The following GALNT13 variants were observed in gnomAD, a reference collection of about 807,000 sequenced individuals.
GALNT13 encodes the protein polypeptide N-acetylgalactosaminyltransferase 13, also known as UDP-GalNAc:polypeptide N-acetylgalactosaminyltransferase 13.
Under a neutral mutation model 64.2 loss-of-function variants are expected in GALNT13, and 28 were observed. The observed-to-expected ratio is 0.44, with a 90% CI of 0.32 to 0.60. GALNT13 has a LOEUF of 0.60. GALNT13 is among the 20% of genes least tolerant of loss of function. GALNT13 has a pLI of 0.05. For missense variants in GALNT13, 577 were observed against 669.8 expected (o/e 0.86, Z 1.53); for synonymous variants, 214 against 224.6 (o/e 0.95, Z 0.42).
intron 3 of GALNT13, among the ~76,000 whole-genome samples, chr2:154,067,368 C>G (rs1490436740): frequency 6.6e-6 from 1 of 151,820 alleles, no homozygotes; most frequent in Non-Finnish European, 1.5e-5. Context: ...AAAAAATGAC[C>G]CAACAATCTG....
At chr2:153,560,314 G>T in the GALNT13 span, among the ~76,000 whole-genome samples, 23 of 151,962 alleles carry the variant, frequency 1.5e-4, no homozygotes, top group Admixed American at 2.6e-4. Flanking sequence ...TTTTATATTT[G>T]AATGTAAAAT....
chr2:153,150,394 T>C, the GALNT13 span, among the ~76,000 whole-genome samples: 1 of 152,142 alleles, frequency 6.6e-6, no homozygotes, highest in African/African-American at 2.4e-5. Context: ...GTTGAGTAGA[T>C]TGCAACAATT....
chr2:153,793,751 C>T, the GALNT13 span, among the ~76,000 whole-genome samples: 154 of 151,942 alleles, frequency 1.0e-3, no homozygotes, highest in Non-Finnish European at 2.1e-3. Flanking sequence ...GTAATCCACC[C>T]TGGAAGGGTA....
intron 3 of GALNT13, among the ~76,000 whole-genome samples, chr2:154,093,469 C>T (rs987194532): frequency 4.6e-5 from 7 of 151,920 alleles, no homozygotes; most frequent in South Asian, 2.1e-4. Flanking sequence ...AAAAATGAAT[C>T]GAGCATAGTT....
intron 4 of GALNT13, among the ~76,000 whole-genome samples, chr2:154,180,468 C>T (rs1685895268): frequency 6.6e-6 from 1 of 151,532 alleles, no homozygotes; most frequent in Admixed American, 6.6e-5. Flanking sequence ...TTTACATTTA[C>T]AATTTCTTGC....
chr2:153,087,678 TC>T, the GALNT13 span, among the ~76,000 whole-genome samples: 1 of 152,134 alleles, frequency 6.6e-6, no homozygotes, highest in Non-Finnish European at 1.5e-5. Context: ...GTGTTTTTAT[TC>T]CTTCCTGATT....
intron 1 of GALNT13, among the ~76,000 whole-genome samples, chr2:153,884,779 ATATATATGTGTGTG>A (rs1687023698): frequency 8.6e-6 from 1 of 116,706 alleles, no homozygotes; most frequent in Non-Finnish European, 1.8e-5. Context: ...ATATATATAT[ATATATATGTGTGTG>A]TATATATATA....
the GALNT13 span, among the ~76,000 whole-genome samples, chr2:153,345,704 T>TTTCTTTCC: frequency 8.1e-6 from 1 of 123,910 alleles, no homozygotes; most frequent in African/African-American, 3.1e-5. Context: ...TCTTTCTTTC[T>TTTCTTTCC]CTTTCTCTCT....
At chr2:153,771,597 A>T in the GALNT13 span, among the ~76,000 whole-genome samples, 1 of 152,130 alleles carries the variant, frequency 6.6e-6, no homozygotes, top group Non-Finnish European at 1.5e-5. Context: ...ATTGCCTGGA[A>T]ATGTGTCCCT....
the GALNT13 span, among the ~76,000 whole-genome samples, chr2:153,742,302 A>T: frequency 1.3e-5 from 2 of 152,184 alleles, no homozygotes; most frequent in African/African-American, 4.8e-5. Flanking sequence ...TGCAAATAAC[A>T]ATAAATTCGT....
chr2:153,117,238 G>A, the GALNT13 span, among the ~76,000 whole-genome samples: 8 of 152,218 alleles, frequency 5.3e-5, no homozygotes, highest in Non-Finnish European at 1.0e-4. Flanking sequence ...GTAAAATGTT[G>A]GGATACGTAC....
chr2:153,797,260 C>T, the GALNT13 span, among the ~76,000 whole-genome samples: 11 of 152,172 alleles, frequency 7.2e-5, no homozygotes, highest in East Asian at 3.9e-4. Flanking sequence ...TCTGAAAGAA[C>T]GAATGTCCAG....
the GALNT13 span, among the ~76,000 whole-genome samples, chr2:153,347,018 T>C: frequency 6.6e-6 from 1 of 152,242 alleles, no homozygotes; most frequent in African/African-American, 2.4e-5. Context: ...GCTTTTCCTT[T>C]TCTTTATCAG....
At chr2:154,074,130 C>T (rs1700873183) in intron 3 of GALNT13, among the ~76,000 whole-genome samples, 1 of 151,800 alleles carries the variant, frequency 6.6e-6, no homozygotes, top group Non-Finnish European at 1.5e-5. Flanking sequence ...GTAGCCCAAA[C>T]AAATGCTCTT....
the GALNT13 span, among the ~76,000 whole-genome samples, chr2:153,579,858 G>A: frequency 6.6e-6 from 1 of 152,084 alleles, no homozygotes; most frequent in East Asian, 1.9e-4. Context: ...ACCCGAGGTG[G>A]AATAGTTTCA....
chr2:153,907,928 A>G (rs972858404), intron 2 of GALNT13, among the ~76,000 whole-genome samples: 1 of 152,074 alleles, frequency 6.6e-6, no homozygotes, highest in African/African-American at 2.4e-5. Flanking sequence ...ATACCCAGTA[A>G]TGGGATTGCT....
At chr2:153,675,092 T>C in the GALNT13 span, among the ~76,000 whole-genome samples, 2 of 152,270 alleles carry the variant, frequency 1.3e-5, no homozygotes, top group Admixed American at 1.3e-4. Context: ...TTTTGCACTG[T>C]TTGCAGGAGT....
chr2:153,890,921 C>T (rs139413372), intron 1 of GALNT13, among the ~76,000 whole-genome samples: 1 of 152,076 alleles, frequency 6.6e-6, no homozygotes, highest in Non-Finnish European at 1.5e-5. Context: ...CTGTGGTTCC[C>T]CTTGAAATGG....
Position 153,871,973 on chromosome 2 carries a change from T to TCGCTCTGGG in GALNT13, c.-503_-495dup, listed in dbSNP as rs1685975797. The TCGCTCTGGG allele has an allele frequency of 6.6e-6, 1 of 152,132 alleles. No homozygotes were observed. The highest frequency in any genetic ancestry group is 1.5e-5 in the Non-Finnish European group (1 of 68,132). The allele number at this position is 152,132 out of a possible 1,614,324, so 9.4% of individuals were successfully genotyped here. On this transcript the variant is annotated 5_prime_UTR_variant, in exon 1 of 13. Coordinates refer to ENST00000392825, the MANE Select transcript of GALNT13 (RefSeq NM_052917.4). ...GTGACAACGTGCTAGCAGCCCTCGC[T>TCGCTCTGGG]CGCTCTGGGCGCCTCCTCGGCCTCA...
Sources: gnomAD v4.1 joint callset for allele counts (sites outside exome capture counted in the v4.1 genomes callset) on GRCh38, gnomAD v4.1.1 for gene constraint, MANE v1.5 for transcripts, NCBI Gene and HGNC (gene_info 2026-07-23, HGNC 2026-07-21) for gene names.